The following DIAPH3 variants were observed in gnomAD, a reference collection of about 807,000 sequenced individuals.
DIAPH3 encodes diaphanous related formin 3, also known as protein diaphanous homolog 3.
Under a neutral mutation model 144.3 loss-of-function variants are expected in DIAPH3, and 117 were observed. That is an observed-to-expected ratio of 0.81 (90% CI 0.70 to 0.95). The LOEUF (loss-of-function observed/expected upper bound fraction) is 0.95, where lower values mean the gene tolerates loss of function less well. Among genes scored for constraint, DIAPH3 ranks in the 40% least tolerant of loss-of-function variants. The pLI is 0.00. For synonymous variants in DIAPH3, 519 were observed against 488.9 expected, an observed-to-expected ratio of 1.06 and a Z score of -0.81; for missense variants, 1,421 against 1,412.7, an observed-to-expected ratio of 1.01 and a Z score of -0.09.
intron 25 of DIAPH3, among the ~76,000 whole-genome samples, chr13:59,801,088 C>T (rs980694303): frequency 6.6e-6 from 1 of 152,206 alleles, no homozygotes; most frequent in African/African-American, 2.4e-5. Context: ...TCTAATTAGC[C>T]TTGAAAACAT....
At chr13:59,802,677 T>TTA (rs1377443963) in intron 25 of DIAPH3, among the ~76,000 whole-genome samples, 2 of 67,518 alleles carry the variant, frequency 3.0e-5, no homozygotes, top group Non-Finnish European at 6.2e-5. Context: ...ATTTTTTTTT[T>TTA]TTTTTTTTTT....
chr13:59,711,713 C>T (rs544700791), intron 27 of DIAPH3, among the ~76,000 whole-genome samples: 1 of 152,242 alleles, frequency 6.6e-6, no homozygotes, highest in East Asian at 1.9e-4. Context: ...TAATTTTTGG[C>T]CTATGTTCCT....
At chr13:59,971,299 T>A (rs2050360681) in intron 15 of DIAPH3, 139 bp from the exon 16 acceptor site, 1 of 803,632 alleles carries the variant, frequency 1.2e-6, no homozygotes, top group Non-Finnish European at 1.9e-6. Flanking sequence ...TAACCAAAAA[T>A]CAAAATTCCA....
At chr13:59,735,486 G>T (rs950277805) in intron 27 of DIAPH3, among the ~76,000 whole-genome samples, 1 of 152,146 alleles carries the variant, frequency 6.6e-6, no homozygotes, top group South Asian at 2.1e-4. Context: ...AAATGGGAAA[G>T]AATGATCTTG....
chr13:59,965,174 C>T (rs1468915614), intron 17 of DIAPH3, among the ~76,000 whole-genome samples: 1 of 152,080 alleles, frequency 6.6e-6, no homozygotes, highest in Non-Finnish European at 1.5e-5. Flanking sequence ...GAAATCTAAG[C>T]TTGATTTGTT....
intron 27 of DIAPH3, among the ~76,000 whole-genome samples, chr13:59,714,886 G>A (rs139372232): frequency 5.5e-4 from 84 of 152,028 alleles, no homozygotes; most frequent in African/African-American, 1.7e-3. Flanking sequence ...AATTGTTTTT[G>A]AGAACAAAAA....
chr13:60,162,508 T>C (rs1952339469), intron 1 of DIAPH3, among the ~76,000 whole-genome samples: 1 of 152,210 alleles, frequency 6.6e-6, no homozygotes, highest in Non-Finnish European at 1.5e-5. Context: ...TTGATCCTTC[T>C]GCAAAATGTC....
chr13:59,762,452 A>T (rs2037651585), intron 27 of DIAPH3, among the ~76,000 whole-genome samples: 1 of 132,108 alleles, frequency 7.6e-6, no homozygotes, highest in African/African-American at 3.1e-5. Context: ...TGGATTATAT[A>T]AAGGTGTGAA....
At chr13:59,889,931 G>A (rs1477443676) in intron 20 of DIAPH3, among the ~76,000 whole-genome samples, 1 of 152,104 alleles carries the variant, frequency 6.6e-6, no homozygotes, top group Non-Finnish European at 1.5e-5. Context: ...TTATTAGGGT[G>A]GGTCTAGACT....
chr13:60,018,905 T>G (rs1381807615), intron 5 of DIAPH3, among the ~76,000 whole-genome samples: 1 of 152,120 alleles, frequency 6.6e-6, no homozygotes, highest in African/African-American at 2.4e-5. Context: ...ACTAAAAAGA[T>G]TAAAAATTAA....
intron 17 of DIAPH3, among the ~76,000 whole-genome samples, chr13:59,944,787 G>GA (rs1411043361): frequency 4.1e-5 from 4 of 98,044 alleles, no homozygotes; most frequent in Non-Finnish European, 7.3e-5. Flanking sequence ...CTGTGTGTTA[G>GA]AAAAAAAGGG....
intron 5 of DIAPH3, among the ~76,000 whole-genome samples, chr13:60,039,732 T>A (rs2055494487): frequency 6.6e-6 from 1 of 152,190 alleles, no homozygotes; most frequent in African/African-American, 2.4e-5. Flanking sequence ...CTTAATGATA[T>A]TACAGGTCTA....
intron 20 of DIAPH3, among the ~76,000 whole-genome samples, chr13:59,898,234 C>T (rs1317638363): frequency 6.6e-6 from 1 of 151,438 alleles, no homozygotes; most frequent in African/African-American, 2.4e-5. Flanking sequence ...CTATACACTA[C>T]ACACATGCAT....
chr13:59,831,266 C>T (rs953783071), intron 24 of DIAPH3, among the ~76,000 whole-genome samples: 2 of 151,738 alleles, frequency 1.3e-5, no homozygotes, highest in South Asian at 2.1e-4. Flanking sequence ...CCAAGACACC[C>T]TCATGTTTGA....
chr13:59,779,649 T>G (rs1410583397), intron 25 of DIAPH3, among the ~76,000 whole-genome samples: 2 of 151,812 alleles, frequency 1.3e-5, no homozygotes, highest in African/African-American at 2.4e-5. Flanking sequence ...GTAGCTGGGA[T>G]TACAGGCGTG....
chr13:59,904,248 C>G (rs952616040), intron 20 of DIAPH3, among the ~76,000 whole-genome samples: 1 of 151,958 alleles, frequency 6.6e-6, no homozygotes, highest in Non-Finnish European at 1.5e-5. Flanking sequence ...CATTTAAAGA[C>G]GTAATGCTGG....
intron 25 of DIAPH3, among the ~76,000 whole-genome samples, chr13:59,803,131 G>A (rs2040025283): frequency 6.6e-6 from 1 of 152,150 alleles, no homozygotes; most frequent in South Asian, 2.1e-4. Context: ...TGCTGTGATT[G>A]AGTTCTCAAT....
At chr13:60,044,718 A>AT in intron 4 of DIAPH3, among the ~76,000 whole-genome samples, 1 of 152,206 alleles carries the variant, frequency 6.6e-6, no homozygotes, top group East Asian at 1.9e-4. Flanking sequence ...GCATATATTT[A>AT]TATTTTAAAA....
At chr13:60,067,866 T>C (rs1566733347) in intron 4 of DIAPH3, among the ~76,000 whole-genome samples, 2 of 152,184 alleles carry the variant, frequency 1.3e-5, no homozygotes, top group Non-Finnish European at 2.9e-5. Flanking sequence ...CTGGTATATA[T>C]ACGCTTCTGT....
Sources: gnomAD v4.1 joint callset for allele counts (sites outside exome capture counted in the v4.1 genomes callset) on GRCh38, gnomAD v4.1.1 for gene constraint, MANE v1.5 for transcripts, NCBI Gene and HGNC (gene_info 2026-07-23, HGNC 2026-07-21) for gene names.